The following ABCE1 variants were observed in gnomAD, a reference collection of about 807,000 sequenced individuals.
ABCE1 encodes ATP binding cassette subfamily E member 1, also known as ATP-binding cassette sub-family E member 1.
ABCE1 carries 22 observed loss-of-function variants against 83.4 expected under a neutral mutation model. The observed-to-expected ratio is 0.26, with a 90% CI of 0.19 to 0.38. The LOEUF (loss-of-function observed/expected upper bound fraction) is 0.38, where lower values mean the gene tolerates loss of function less well. ABCE1 is among the 10% of genes least tolerant of loss of function. The pLI is 1.00. For synonymous variants in ABCE1, 204 were observed against 233.7 expected, an observed-to-expected ratio of 0.87 and a Z score of 1.16; for missense variants, 330 against 721.9, an observed-to-expected ratio of 0.46 and a Z score of 6.22.
At chr4:145,123,660 A>T in intron 16 of ABCE1, 60 bp downstream of exon 16, 3 of 1,471,134 alleles carry the variant, frequency 2.0e-6, no homozygotes, top group Non-Finnish European at 2.8e-6. Context: ...GTAAATAGTA[A>T]AGTCACTCAC....
At chr4:145,112,398 C>A in intron 9 of ABCE1, 70 bp downstream of exon 9, 1 of 1,032,660 alleles carries the variant, frequency 9.7e-7, no homozygotes, top group Non-Finnish European at 1.4e-6. Context: ...AAGGATTAAA[C>A]ACTGGGACTG....
intron 8 of ABCE1, 23 bp from the exon 9 acceptor site, chr4:145,112,216 C>CTTTTTTTTTTTTTTTTTTTATTTTTTTTT: frequency 8.8e-7 from 1 of 1,130,232 alleles, no homozygotes; most frequent in Non-Finnish European, 1.2e-6. Context: ...CTTATATTTG[C>CTTTTTTTTTTTTTTTTTTTATTTTTTTTT]TTTTTTTTTT....
chr4:145,114,788 A>G (rs114261359), intron 9 of ABCE1, among the ~76,000 whole-genome samples: 34 of 152,144 alleles, frequency 2.2e-4, no homozygotes, highest in African/African-American at 8.2e-4. Flanking sequence ...GACAACGTAG[A>G]GAAAATTTTT....
At chr4:145,121,906 T>C (rs1749758368) in intron 13 of ABCE1, 1 of 152,448 alleles carries the variant, frequency 6.6e-6, no homozygotes, top group Non-Finnish European at 1.5e-5. Flanking sequence ...GTTTGTCATC[T>C]TTTTGCTAAA....
chr4:145,108,857 C>T (rs1232078165), intron 4 of ABCE1, among the ~76,000 whole-genome samples: 2 of 152,134 alleles, frequency 1.3e-5, no homozygotes, highest in African/African-American at 2.4e-5. Context: ...TTAGGATGGA[C>T]TTTGAAAACT....
intron 9 of ABCE1, among the ~76,000 whole-genome samples, chr4:145,114,747 A>T (rs1018352210): frequency 1.3e-5 from 2 of 152,022 alleles, no homozygotes; most frequent in African/African-American, 4.8e-5. Context: ...TTTAATTGTA[A>T]TAGGGATAAC....
chr4:145,123,125 T>G lies in ABCE1; in HGVS notation c.1368T>G (p.Asp456Glu). ...MKPLQIENII[D>E]QEVQTLSGGE... ...CTCTGCAAATTGAAAACATCATTGATCAAGAGGTACTTTAACATAATTTTT... is the reference window on the plus strand; with the variant it reads ...CTCTGCAAATTGAAAACATCATTGAGCAAGAGGTACTTTAACATAATTTTT... The change falls in exon 14 of 18, where the codon GAT (aspartate) becomes GAG (glutamate). Residue 456 changes from aspartate (D) to glutamate (E), a missense_variant. Physicochemically the swap from Asp to Glu is conservative, Grantham distance 45. Coordinates refer to ENST00000296577, the MANE Select transcript of ABCE1 (RefSeq NM_002940.3). The G allele has an allele frequency of 1.3e-6, 2 of 1,594,490 alleles. No individual in the cohort carries two copies. Among genetic ancestry groups the G allele is most frequent in the Non-Finnish European group, 1.7e-6 (2 of 1,174,240 alleles).
At position 145,104,405 on chromosome 4, in the gene ABCE1, G is replaced by A. The variant is rs1256572356; in HGVS notation, c.-8G>A. 5.7e-6 allele frequency: 9 copies of A among 1,571,328 alleles called. No individual in the cohort carries two copies. The East Asian group carries it at 9.3e-5, about 16-fold the overall frequency. On this transcript the variant is annotated 5_prime_UTR_variant, in exon 2 of 18. Coordinates refer to ENST00000296577, the MANE Select transcript of ABCE1 (RefSeq NM_002940.3). Reference sequence around the variant, plus strand: ...TCATAGAAGAGCTGGATATTCTTTCGCCCAGTTATGGCAGACAAGTTAACG... The same window carrying A: ...TCATAGAAGAGCTGGATATTCTTTCACCCAGTTATGGCAGACAAGTTAACG...
intron 13 of ABCE1, 36 bp from the exon 14 acceptor site, chr4:145,122,985 G>GT (rs1560965375): frequency 1.4e-6 from 2 of 1,394,072 alleles, no homozygotes; most frequent in East Asian, 4.8e-5. Context: ...TATAGTGAAA[G>GT]TTTATCATTT....
chr4:145,107,086 C>A (rs1376054782), intron 3 of ABCE1, among the ~76,000 whole-genome samples: 1 of 152,018 alleles, frequency 6.6e-6, no homozygotes, highest in African/African-American at 2.4e-5. Context: ...TCTTAAATGA[C>A]CTTCCTGTTT....
chr4:145,118,397 T>A (rs1020611730), intron 10 of ABCE1, among the ~76,000 whole-genome samples: 1 of 151,682 alleles, frequency 6.6e-6, no homozygotes, highest in Non-Finnish European at 1.5e-5. Flanking sequence ...AATATTAAGA[T>A]GTGGGGAAGA....
intron 9 of ABCE1, among the ~76,000 whole-genome samples, chr4:145,114,051 C>T (rs551284695): frequency 3.9e-5 from 6 of 152,178 alleles, no homozygotes; most frequent in Middle Eastern, 3.4e-3. Context: ...ATTCAAGGAG[C>T]ACAAGTTCTA....
At chr4:145,110,017 T>C in intron 5 of ABCE1, 86 bp from the exon 6 acceptor site, 1 of 1,207,750 alleles carries the variant, frequency 8.3e-7, no homozygotes, top group Non-Finnish European at 1.1e-6. Context: ...TCTATTTGCA[T>C]ATATAATCTA....
chr4:145,119,451 A>G (rs550138971), intron 10 of ABCE1, among the ~76,000 whole-genome samples: 30 of 152,108 alleles, frequency 2.0e-4, no homozygotes, highest in African/African-American at 7.2e-4. Flanking sequence ...ATTCAATTTC[A>G]TATGAACCTG....
intron 4 of ABCE1, 143 bp downstream of exon 4, chr4:145,108,255 C>A: frequency 1.4e-6 from 1 of 739,184 alleles, no homozygotes; most frequent in Non-Finnish European, 2.3e-6. Flanking sequence ...CATGCAGAAT[C>A]ATACTGCATA....
intron 9 of ABCE1, among the ~76,000 whole-genome samples, chr4:145,116,171 A>G (rs547248122): frequency 6.6e-6 from 1 of 152,074 alleles, no homozygotes; most frequent in Non-Finnish European, 1.5e-5. Flanking sequence ...TATTTAAGAA[A>G]AAAGATGCAT....
At chr4:145,123,400 T>C in intron 15 of ABCE1, 43 bp downstream of exon 15, 1 of 1,593,104 alleles carries the variant, frequency 6.3e-7, no homozygotes, top group Non-Finnish European at 8.6e-7. Context: ...ATGTATACTG[T>C]CCTACAAGTG....
chr4:145,108,142 G>C (rs747508784), intron 4 of ABCE1, 30 bp downstream of exon 4: 1 of 1,581,374 alleles, frequency 6.3e-7, no homozygotes, highest in Non-Finnish European at 8.7e-7. Context: ...TTCCTCTTCT[G>C]TCAAGTTAAG....
rs540418957 is a variant in ABCE1 at position 145,109,177 on chromosome 4, T to C, written c.333T>C (p.Thr111=). ...RPGEVLGLVG[T]NGIGKSTALK... ...GTGAAGTTTTGGGATTAGTTGGAAC[T>C]AATGGTATTGGAAAGTCAACTGCTT... Residue 111 remains threonine, a synonymous_variant, in exon 5 of 18, where the codon ACT becomes ACC. Transcript: ENST00000296577. 1.9e-6 allele frequency: 3 copies of C among 1,613,280 alleles called. No individual in the cohort carries two copies. In the South Asian group the frequency reaches 3.3e-5, roughly 18 times the overall value.
Sources: allele counts gnomAD v4.1 joint callset (sites outside exome capture counted in the v4.1 genomes callset), GRCh38; gene constraint gnomAD v4.1.1; transcripts MANE v1.5; gene names NCBI Gene and HGNC (gene_info 2026-07-23, HGNC 2026-07-21).